The following NFIB variants were observed in gnomAD, a reference collection of about 807,000 sequenced individuals.
NFIB encodes nuclear factor 1 B-type.
NFIB carries 11 observed loss-of-function variants against 61.5 expected under a neutral mutation model. The ratio of observed to expected loss-of-function variants is 0.18; its 90% CI spans 0.11 to 0.30. The LOEUF (loss-of-function observed/expected upper bound fraction) is 0.30. Ranked by LOEUF, NFIB falls within the 10% of genes least tolerant of loss-of-function variation. The pLI is 1.00. For synonymous variants in NFIB, 260 were observed against 216.5 expected, an observed-to-expected ratio of 1.20 and a Z score of -1.76; for missense variants, 471 against 608.9, an observed-to-expected ratio of 0.77 and a Z score of 2.38.
chr9:14,110,393 T>C (rs2037185753), intron 10 of NFIB, among the ~76,000 whole-genome samples: 1 of 152,050 alleles, frequency 6.6e-6, no homozygotes, highest in Non-Finnish European at 1.5e-5. Context: ...TAAAGGATCA[T>C]GTATATTAAA....
chr9:14,487,794 C>G, the NFIB span, among the ~76,000 whole-genome samples: 1 of 152,162 alleles, frequency 6.6e-6, no homozygotes, highest in Non-Finnish European at 1.5e-5. Flanking sequence ...AAATATCTTC[C>G]TTTTGAATTT....
intron 3 of NFIB, among the ~76,000 whole-genome samples, chr9:14,164,643 C>T (rs914772530): frequency 6.6e-6 from 1 of 152,076 alleles, no homozygotes; most frequent in Admixed American, 6.6e-5. Flanking sequence ...ATAATACATA[C>T]AACTTATTGA....
chr9:14,149,851 T>G (rs2042666017), intron 5 of NFIB, among the ~76,000 whole-genome samples: 1 of 152,140 alleles, frequency 6.6e-6, no homozygotes, highest in African/African-American at 2.4e-5. Flanking sequence ...CATCAAAAGA[T>G]TTTGTTAACT....
At position 14,120,361 on chromosome 9, in the gene NFIB, C is replaced by T; in HGVS notation, c.1245+79G>A. The T allele has an allele frequency of 1.4e-6, 2 of 1,438,066 alleles. No homozygotes were observed. The highest frequency in any genetic ancestry group is 4.5e-5 in the East Asian group (2 of 44,072). 89.1% of individuals were successfully genotyped at this position (1,438,066 alleles called of 1,614,324 possible). A position where few individuals can be genotyped will look rare whatever the true frequency, so the allele number is the denominator to read the frequency against. The stretch of plus-strand genomic sequence containing the variant: ...CTTGACGTTCTGCCAGACACACTGT[C>T]TGACTAACCTTTGTGTCTCAGAATT... On this transcript the variant is annotated intron_variant, in intron 8 of 10. Coordinates refer to ENST00000380953, the MANE Select transcript of NFIB (RefSeq NM_001190737.2). The surrounding 1 kb of genome is among the most constrained non-coding windows in gnomAD (Gnocchi z 4.4).
At chr9:14,122,737 C>A (rs1484926972) in intron 7 of NFIB, among the ~76,000 whole-genome samples, 1 of 152,070 alleles carries the variant, frequency 6.6e-6, no homozygotes, top group Non-Finnish European at 1.5e-5. Context: ...ATCTTGGGTC[C>A]TTTAGCTTTT....
At chr9:14,442,187 A>C in the NFIB span, among the ~76,000 whole-genome samples, 3 of 151,972 alleles carry the variant, frequency 2.0e-5, no homozygotes, top group Non-Finnish European at 2.9e-5. Flanking sequence ...ACCCTCTCCT[A>C]ATCACCACCC....
chr9:14,194,828 C>A (rs1366591259), intron 2 of NFIB, among the ~76,000 whole-genome samples: 1 of 152,004 alleles, frequency 6.6e-6, no homozygotes, highest in African/African-American at 2.4e-5. Flanking sequence ...TGTTTGGAGC[C>A]AATTTACACA....
At chr9:14,226,287 C>G (rs7038706) in intron 2 of NFIB, among the ~76,000 whole-genome samples, 11,486 of 152,052 alleles carry the variant, frequency 0.076, 1,449 homozygotes, top group African/African-American at 0.26. Context: ...GTGGCTGACC[C>G]CTATAATCTC....
the NFIB span, among the ~76,000 whole-genome samples, chr9:14,475,012 T>C: frequency 6.6e-6 from 1 of 152,198 alleles, no homozygotes; most frequent in African/African-American, 2.4e-5. Context: ...CTCAGTCAAC[T>C]GAATCAAATG....
At chr9:14,283,090 A>G (rs72700504) in intron 2 of NFIB, among the ~76,000 whole-genome samples, 11,881 of 152,268 alleles carry the variant, frequency 0.078, 651 homozygotes, top group East Asian at 0.24. Flanking sequence ...TAAAGGATTA[A>G]ATAAATAACC....
chr9:14,474,732 A>G, the NFIB span, among the ~76,000 whole-genome samples: 1 of 152,174 alleles, frequency 6.6e-6, no homozygotes, highest in African/African-American at 2.4e-5. Flanking sequence ...AGACATTCCC[A>G]TTCCAAAAGG....
intron 2 of NFIB, among the ~76,000 whole-genome samples, chr9:14,257,781 A>G (rs1230650445): frequency 6.6e-6 from 1 of 152,156 alleles, no homozygotes; most frequent in Admixed American, 6.5e-5. Flanking sequence ...CGAAAGAAAG[A>G]AACATAATTC....
the NFIB span, among the ~76,000 whole-genome samples, chr9:14,443,917 G>T: frequency 6.6e-6 from 1 of 152,130 alleles, no homozygotes; most frequent in Non-Finnish European, 1.5e-5. Context: ...AAAAATTTCT[G>T]TCACTGTCCA....
the NFIB span, among the ~76,000 whole-genome samples, chr9:14,457,034 C>T: frequency 1.3e-5 from 2 of 152,044 alleles, no homozygotes; most frequent in Admixed American, 1.3e-4. Context: ...TAAATACTGA[C>T]ATAAAAAGAC....
Position 14,113,090 on chromosome 9 carries a change from G to A in NFIB, c.1385-9C>T. 1 of 1,547,196 alleles carries A rather than the reference G, an allele frequency of 6.5e-7. No homozygotes were observed. The highest frequency in any genetic ancestry group is 8.7e-7 in the Non-Finnish European group (1 of 1,145,546). ...GCCTGAGGCTGTGTAGGCTGATTAA[G>A]GAAGAACAAAAACAAAGATAAAAAT... On this transcript the variant is annotated splice_polypyrimidine_tract_variant and intron_variant, in intron 9 of 10. Transcript: ENST00000380953.
At chr9:14,394,307 A>T (rs1398359246) in intron 1 of NFIB, among the ~76,000 whole-genome samples, 1 of 152,228 alleles carries the variant, frequency 6.6e-6, no homozygotes, top group African/African-American at 2.4e-5. Context: ...AAAACAAACA[A>T]ACAAACAAAT....
intron 2 of NFIB, among the ~76,000 whole-genome samples, chr9:14,205,285 AAAGAAGAAAGGAAGGGGAATGAAAACGT>A (rs2049555857): frequency 1.6e-5 from 2 of 125,586 alleles, no homozygotes; most frequent in Non-Finnish European, 1.7e-5. Flanking sequence ...GGAGGGAGGG[AAAGAAGAAAGGAAGGGGAATGAAAACGT>A]GGGAGGGAGG....
chr9:14,495,074 C>G, the NFIB span, among the ~76,000 whole-genome samples: 4 of 152,300 alleles, frequency 2.6e-5, no homozygotes, highest in Non-Finnish European at 5.9e-5. Flanking sequence ...TGATGTAGTG[C>G]CTTTCAATGT....
intron 2 of NFIB, among the ~76,000 whole-genome samples, chr9:14,191,949 CAA>C (rs1365926493): frequency 6.6e-6 from 1 of 152,142 alleles, no homozygotes; most frequent in Non-Finnish European, 1.5e-5. Context: ...AACACATACA[CAA>C]AAACAAGAAA....
Sources: gnomAD v4.1 joint callset for allele counts (sites outside exome capture counted in the v4.1 genomes callset) on GRCh38, gnomAD v4.1.1 for gene constraint, Gnocchi (gnomAD v3.1) non-coding constraint, MANE v1.5 for transcripts, NCBI Gene and HGNC (gene_info 2026-07-23, HGNC 2026-07-21) for gene names.